Variants in DENND4C observed in about 807,000 individuals in gnomAD.
DENND4C encodes the protein DENN domain containing 4C, also known as DENN domain-containing protein 4C.
Under a neutral mutation model 203.0 loss-of-function variants are expected in DENND4C, and 108 were observed. That is an observed-to-expected ratio of 0.53 (90% CI 0.46 to 0.62). The LOEUF is 0.62. DENND4C is among the 20% of genes least tolerant of loss of function. The pLI is 0.00. For synonymous variants in DENND4C, 871 were observed against 792.4 expected, an observed-to-expected ratio of 1.10 and a Z score of -1.67; for missense variants, 2,481 against 2,301.2, an observed-to-expected ratio of 1.08 and a Z score of -1.60.
At chr9:19,328,198 G>A (rs921322795) in intron 16 of DENND4C, 36 bp downstream of exon 16, 1 of 1,570,552 alleles carries the variant, frequency 6.4e-7, no homozygotes, top group Non-Finnish European at 8.6e-7. Context: ...GTTCATTTAA[G>A]ATGTAAAATA....
chr9:19,273,924 G>C (rs931970106), intron 1 of DENND4C, among the ~76,000 whole-genome samples: 2 of 151,968 alleles, frequency 1.3e-5, no homozygotes, highest in Non-Finnish European at 2.9e-5. Flanking sequence ...CAAGACAAAT[G>C]AAAGCATTAT....
At chr9:19,334,462 A>T (rs73435153) in intron 17 of DENND4C, among the ~76,000 whole-genome samples, 2,367 of 151,750 alleles carry the variant, frequency 0.016, 56 homozygotes, top group African/African-American at 0.054. Context: ...CATATGTCTT[A>T]TATGAAATGG....
chr9:19,230,886 C>T (rs1226944599), intron 1 of DENND4C, 53 bp downstream of exon 1: 1 of 152,492 alleles, frequency 6.6e-6, no homozygotes, highest in South Asian at 2.1e-4. Context: ...CGTGCCCTCG[C>T]GGGGCCTGCG....
chr9:19,235,609 C>CTTTTTT lies in DENND4C; in HGVS notation c.-18+4790_-18+4795dup, dbSNP rs58031665. On this transcript the variant is annotated intron_variant, in intron 1 of 32. Coordinates refer to ENST00000434457, the MANE Select transcript of DENND4C (RefSeq NM_001330640.2). ...ATCTGTTGGTTTACAGAAGAGTCAT[C>CTTTTTT]TTTTTTTTTTTTTTTTTTTGAGACG... is the stretch of plus-strand genomic sequence containing the variant. Among the ~76,000 whole-genome samples the CTTTTTT allele has an allele frequency of 2.6e-3, 310 of 118,892 alleles. 18 individuals carry two copies. The highest frequency in any genetic ancestry group is 3.7e-3 in the Non-Finnish European group (217 of 59,110). 78.0% of individuals were successfully genotyped at this position (118,892 alleles called of 152,430 possible).
intron 5 of DENND4C, among the ~76,000 whole-genome samples, chr9:19,294,587 A>T (rs1057036920): frequency 1.3e-5 from 2 of 152,228 alleles, no homozygotes; most frequent in African/African-American, 4.8e-5. Flanking sequence ...TTGTACGCCA[A>T]TGTTTGTAGC....
Position 19,347,990 on chromosome 9 carries a change from T to G in DENND4C, c.4317+904T>G, listed in dbSNP as rs149352780. ...TTTTGCTTGTTTTACAGAAAAAAAT[T>G]GAAATTTCACCTTGTATGAAATTGT... On this transcript the variant is annotated intron_variant, in intron 23 of 32. Transcript: ENST00000434457. Among the ~76,000 whole-genome samples the G allele has an allele frequency of 9.3e-4, 142 of 152,332 alleles. 1 individual carries two copies. Among genetic ancestry groups the G allele is most frequent in the African/African-American group, 3.2e-3 (133 of 41,588 alleles).
intron 2 of DENND4C, among the ~76,000 whole-genome samples, chr9:19,277,913 GTA>G (rs1429495226): frequency 1.3e-5 from 2 of 151,978 alleles, no homozygotes; most frequent in African/African-American, 4.8e-5. Flanking sequence ...AGATGATCAT[GTA>G]TTTTTTCTTC....
At chr9:19,267,909 T>C (rs544448079) in intron 1 of DENND4C, among the ~76,000 whole-genome samples, 1 of 152,142 alleles carries the variant, frequency 6.6e-6, no homozygotes, top group Non-Finnish European at 1.5e-5. Context: ...TGTCTTTTGA[T>C]TGGAGAATTT....
chr9:19,244,790 A>C (rs7027485), intron 1 of DENND4C, among the ~76,000 whole-genome samples: 29,985 of 151,506 alleles, frequency 0.2, 3,019 homozygotes, highest in Admixed American at 0.22. Flanking sequence ...TACACCTTTA[A>C]CTTTATGTAT....
chr9:19,287,841 T>C (rs2131115635), intron 3 of DENND4C, among the ~76,000 whole-genome samples: 1 of 152,314 alleles, frequency 6.6e-6, no homozygotes, highest in Non-Finnish European at 1.5e-5. Flanking sequence ...CAAGCGATTC[T>C]CCTGTCTCAG....
chr9:19,298,134 A>G lies in DENND4C; in HGVS notation c.1107+12A>G, dbSNP rs1409792970. 2 of 1,605,202 alleles carry G rather than the reference A, an allele frequency of 1.2e-6. No individual in the cohort carries two copies. The highest frequency in any genetic ancestry group is 2.2e-5 in the South Asian group (2 of 89,076). ...GAATCCTTGTCCAGGTAATCAAAAG[A>G]GAGTATATTTGGGGAGAACTTTGCA... On this transcript the variant is annotated intron_variant, in intron 7 of 32. Transcript: ENST00000434457.
At chr9:19,290,581 T>G in intron 4 of DENND4C, 123 bp from the exon 5 acceptor site, 1 of 652,292 alleles carries the variant, frequency 1.5e-6, no homozygotes, top group Non-Finnish European at 2.3e-6. Context: ...GAAATCAATT[T>G]TAAAATACCA....
rs751576088 is a variant in DENND4C at position 19,299,211 on chromosome 9, CTTT to C, written c.1108-6_1108-4del. Reference sequence around the variant, plus strand: ...GTTAATTTATCTTTGGTTAATTTATCTTTTTTTTTTTTTTAAGCTGTCAGTCCA... The same window carrying C: ...GTTAATTTATCTTTGGTTAATTTATCTTTTTTTTTTTAAGCTGTCAGTCCA... On this transcript the variant is annotated splice_polypyrimidine_tract_variant and intron_variant, in intron 7 of 32. Transcript: ENST00000434457. 196 of 1,226,146 alleles carry C rather than the reference CTTT, an allele frequency of 1.6e-4. No homozygotes were observed. The highest frequency in any genetic ancestry group is 2.6e-4 in the Admixed American group (9 of 35,030). The allele number at this position is 1,226,146 out of a possible 1,614,324, so 76.0% of individuals were successfully genotyped here.
At chr9:19,305,328 A>T (rs1460885490) in intron 9 of DENND4C, 24 bp from the exon 10 acceptor site, 1 of 1,572,824 alleles carries the variant, frequency 6.4e-7, no homozygotes, top group South Asian at 1.2e-5. Context: ...AAATTTGGTT[A>T]ATTTTTTAAA....
rs760363457 is a variant in DENND4C, at chr9:19,296,186, A to C, written c.980A>C (p.Lys327Thr). The change falls in exon 6 of 33, where the codon AAA becomes ACA. Residue 327 changes from lysine to threonine, a missense_variant. This residue lies in a region of DENND4C where 2,289 missense variants were observed against 2,113.3 expected (regional missense o/e 1.08). Transcript: ENST00000434457. ...SHWPFFEAFR[K>T]FLMFIYKLSV... Reference sequence around the variant, plus strand: ...TGGCCTTTTTTTGAAGCTTTTAGGAAATTTCTTATGTTTATCTACAAACTT... The same window carrying C: ...TGGCCTTTTTTTGAAGCTTTTAGGACATTTCTTATGTTTATCTACAAACTT... 6.2e-7 allele frequency: 1 copy of C among 1,613,848 alleles called. No homozygotes were observed. The highest frequency in any genetic ancestry group is 8.5e-7 in the Non-Finnish European group (1 of 1,179,910).
At chr9:19,283,992 G>C (rs539972906) in intron 2 of DENND4C, among the ~76,000 whole-genome samples, 1 of 152,126 alleles carries the variant, frequency 6.6e-6, no homozygotes, top group Admixed American at 6.5e-5. Flanking sequence ...TGTTTCTCCA[G>C]TTCTTTTGTT....
At chr9:19,286,391 G>A (rs569495118) in intron 2 of DENND4C, among the ~76,000 whole-genome samples, 1 of 152,154 alleles carries the variant, frequency 6.6e-6, no homozygotes, top group Middle Eastern at 3.4e-3. Flanking sequence ...ATTATGAAGC[G>A]AATTTTTATG....
At position 19,268,447 on chromosome 9, in the gene DENND4C, A is replaced by T. The variant is rs184744061; in HGVS notation, c.-17-7711A>T. Among the ~76,000 whole-genome samples, 8 of 152,256 alleles carry T rather than the reference A, an allele frequency of 5.3e-5. No individual in the cohort carries two copies. In the East Asian group the frequency reaches 1.5e-3, roughly 29 times the overall value. Reference sequence around the variant, plus strand: ...TCATCTTTTATTCTTTCTGTTTGAGATATGAGTAGTTTACACACCAGAATT... The same window carrying T: ...TCATCTTTTATTCTTTCTGTTTGAGTTATGAGTAGTTTACACACCAGAATT... On this transcript the variant is annotated intron_variant, in intron 1 of 32. Transcript: ENST00000434457.
In DENND4C at chr9:19,290,841, T is replaced by C; in HGVS notation, c.766T>C (p.Ser256Pro). 2 of 1,613,692 alleles carry C rather than the reference T, an allele frequency of 1.2e-6. No homozygotes were observed. The highest frequency in any genetic ancestry group is 8.5e-7 in the Non-Finnish European group (1 of 1,179,800). The part of the protein sequence containing the change: ...PETKYPLPVF[S>P]TFVLTGSSAK... ...AACCAAATATCCACTTCCAGTTTTTTCAACTTTTGTCTTGACAGGTTCTTC... is the reference window on the plus strand; with the variant it reads ...AACCAAATATCCACTTCCAGTTTTTCCAACTTTTGTCTTGACAGGTTCTTC... The change falls in exon 5 of 33, where the codon TCA (serine) becomes CCA (proline). Residue 256 changes from serine to proline, a missense_variant. Transcript: ENST00000434457.
Sources: gnomAD v4.1 joint callset for allele counts (sites outside exome capture counted in the v4.1 genomes callset) on GRCh38, gnomAD v4.1.1 for gene constraint, gnomAD v4.1.1 regional missense constraint, MANE v1.5 for transcripts, NCBI Gene and HGNC (gene_info 2026-07-23, HGNC 2026-07-21) for gene names.